CST6: variants seen among roughly 807,000 people sequenced by gnomAD.
CST6 encodes the protein cystatin-M.
In CST6, 8 loss-of-function variants were observed where a neutral mutation model predicts 10.7. The observed-to-expected ratio is 0.75, with a 90% confidence interval of 0.44 to 1.34. The LOEUF is 1.34. Ranked by LOEUF, CST6 falls within the 40% of genes most tolerant of loss-of-function variation. The pLI, the probability that CST6 is intolerant of heterozygous loss-of-function variation, is 0.01. For missense variants in CST6, 206 were observed against 205.1 expected (o/e 1.00, Z -0.03); for synonymous variants, 100 against 89.3 (o/e 1.12, Z -0.68).
chr11:66,012,874 G>A lies in CST6; in HGVS notation c.289G>A (p.Asp97Asn), dbSNP rs1856184659. Reference sequence around the variant, plus strand: ...CCTGACGATGGAGATGGGGAGCACAGACTGCCGCAAGACCAGGGTCACTGG... The same window carrying A: ...CCTGACGATGGAGATGGGGAGCACAAACTGCCGCAAGACCAGGGTCACTGG... ...YFLTMEMGST[D>N]CRKTRVTGDH... The change falls in exon 2 of 3, where the codon GAC becomes AAC. Residue 97 changes from aspartate to asparagine, a missense_variant. Physicochemically the swap from Asp to Asn is conservative, Grantham distance 23 (BLOSUM62 1). Transcript: ENST00000312134. The A allele has an allele frequency of 6.2e-7, 1 of 1,613,212 alleles. No individual in the cohort carries two copies. The highest frequency in any genetic ancestry group is 8.5e-7 in the Non-Finnish European group (1 of 1,179,478).
intron 1 of CST6, among the ~76,000 whole-genome samples, 165 bp from the exon 2 acceptor site, chr11:66,012,661 A>ACC (rs1856179702): frequency 2.4e-5 from 1 of 41,344 alleles, no homozygotes; most frequent in Non-Finnish European, 4.7e-5. Flanking sequence ...TCCCCACCAG[A>ACC]ACTCCCCCCC....
chr11:66,013,314 C>G lies in CST6; in HGVS notation c.367-3C>G. On this transcript the variant is annotated splice_region_variant and splice_polypyrimidine_tract_variant and intron_variant, in intron 2 of 2. Transcript: ENST00000312134. ...CTCCTTCTCCCCCATATTCCCTCCA[C>G]AGAAGCTGCGCTGTGACTTTGAGGT... is the stretch of plus-strand genomic sequence containing the variant. 1.2e-6 allele frequency: 2 copies of G among 1,613,854 alleles called. No homozygotes were observed. The highest frequency in any genetic ancestry group is 8.5e-7 in the Non-Finnish European group (1 of 1,179,728).
chr11:66,012,456 A>C (rs1471005614), intron 1 of CST6, among the ~76,000 whole-genome samples, 172 bp downstream of exon 1: 1 of 152,194 alleles, frequency 6.6e-6, no homozygotes. Context: ...TCTAAATTTC[A>C]AGGAAAGACA....
intron 1 of CST6, 152 bp from the exon 2 acceptor site, chr11:66,012,674 A>ACCCCCCCCCCCCC (rs1420287294): frequency 7.2e-5 from 3 of 41,442 alleles, no homozygotes; most frequent in Non-Finnish European, 1.1e-4. Context: ...TCCCCCCCCC[A>ACCCCCCCCCCCCC]CCCCCCCCCA....
In CST6 at chr11:66,013,204, G is replaced by A. The variant is rs367894852; in HGVS notation, c.367-113G>A. 70 of 1,073,056 alleles carry A rather than the reference G, an allele frequency of 6.5e-5. No homozygotes were observed. The East Asian group carries it at 9.7e-4, about 15-fold the overall frequency. 66.5% of individuals were successfully genotyped at this position (1,073,056 alleles called of 1,614,324 possible). On this transcript the variant is annotated intron_variant, in intron 2 of 2. Coordinates refer to ENST00000312134, the MANE Select transcript of CST6 (RefSeq NM_001323.4). The stretch of plus-strand genomic sequence containing the variant: ...ATGCGGCTTGACATCCGTTGGGTCA[G>A]TGATTGTCCCTCTCTTGGCCTGGAG...
rs1209276619 is a variant in CST6, at chr11:66,012,200, G to A, written c.156G>A (p.Ala52=). 6.3e-7 allele frequency: 1 copy of A among 1,585,752 alleles called. No individual in the cohort carries two copies. Among genetic ancestry groups the A allele is most frequent in the East Asian group, 2.3e-5 (1 of 43,732 alleles). The change falls in exon 1 of 3, where the codon GCG becomes GCA. Residue 52 remains alanine (A), a synonymous_variant. Transcript: ENST00000312134. ...ACGACCCGCAGGTGCAGAAGGCGGC[G>A]CAGGCGGCCGTGGCCAGCTACAACA... ...SPDDPQVQKA[A]QAAVASYNMG...
chr11:66,012,674 A>ACCCC (rs1420287294), intron 1 of CST6, 152 bp from the exon 2 acceptor site: 29 of 41,426 alleles, frequency 7.0e-4, no homozygotes, highest in Admixed American at 1.5e-3. Flanking sequence ...TCCCCCCCCC[A>ACCCC]CCCCCCCCCA....
chr11:66,013,238 C>G, intron 2 of CST6, 79 bp from the exon 3 acceptor site: 1 of 1,345,874 alleles, frequency 7.4e-7, no homozygotes, highest in Non-Finnish European at 1.1e-6. Context: ...AGCAGCCTGG[C>G]AGGCAGAGGG....
intron 1 of CST6, among the ~76,000 whole-genome samples, 166 bp from the exon 2 acceptor site, chr11:66,012,660 G>C (rs1856179646): frequency 1.8e-5 from 1 of 55,464 alleles, no homozygotes; most frequent in African/African-American, 6.8e-5. Context: ...ATCCCCACCA[G>C]AACTCCCCCC....
Position 66,013,443 on chromosome 11 carries a change from G to T in CST6, c.*43G>T. 6.6e-7 allele frequency: 1 copy of T among 1,512,452 alleles called. No individual in the cohort carries two copies. Among genetic ancestry groups the T allele is most frequent in the Non-Finnish European group, 9.2e-7 (1 of 1,087,272 alleles). 93.7% of individuals were successfully genotyped at this position (1,512,452 alleles called of 1,614,324 possible). A position where few individuals can be genotyped will look rare whatever the true frequency, so the allele number is the denominator to read the frequency against. On this transcript the variant is annotated 3_prime_UTR_variant, in exon 3 of 3. Transcript: ENST00000312134. The stretch of plus-strand genomic sequence containing the variant: ...AGGCCATTGGGTTTGGGGCCATGGT[G>T]GAGGGCACTTCAGGTCCGTGGGCCG...
chr11:66,013,142 G>A, intron 2 of CST6, 175 bp from the exon 3 acceptor site: 1 of 979,082 alleles, frequency 1.0e-6, no homozygotes, highest in African/African-American at 1.6e-5. Context: ...CGGGAATGGG[G>A]AAGTTGGCTA....
chr11:66,012,179 C>T lies in CST6; in HGVS notation c.135C>T (p.Asp45=). 1 of 1,572,704 alleles carries T rather than the reference C, an allele frequency of 6.4e-7. No homozygotes were observed. Among genetic ancestry groups the T allele is most frequent in the Non-Finnish European group, 8.6e-7 (1 of 1,161,372 alleles). The change falls in exon 1 of 3, where the codon GAC becomes GAT. Residue 45 remains aspartate (D), a synonymous_variant. Transcript: ENST00000312134. ...AACTCCGGGACCTGTCGCCCGACGACCCGCAGGTGCAGAAGGCGGCGCAGG... is the reference window on the plus strand; with the variant it reads ...AACTCCGGGACCTGTCGCCCGACGATCCGCAGGTGCAGAAGGCGGCGCAGG... ...VGELRDLSPD[D]PQVQKAAQAA... is the part of the protein sequence containing the mutation.
Position 66,012,867 on chromosome 11 carries a change from G to A in CST6, c.282G>A (p.Gly94=), listed in dbSNP as rs1856184636. The A allele has an allele frequency of 6.2e-7, 1 of 1,612,932 alleles. No individual in the cohort carries two copies. Among genetic ancestry groups the A allele is most frequent in the Non-Finnish European group, 8.5e-7 (1 of 1,179,314 alleles). Residue 94 remains glycine, a synonymous_variant, in exon 2 of 3, where the codon GGG becomes GGA. Transcript: ENST00000312134. ...AGTACTTCCTGACGATGGAGATGGG[G>A]AGCACAGACTGCCGCAAGACCAGGG... ...GIKYFLTMEM[G]STDCRKTRVT...
intron 1 of CST6, among the ~76,000 whole-genome samples, 156 bp from the exon 2 acceptor site, chr11:66,012,670 C>A (rs1856180424): frequency 7.4e-5 from 1 of 13,534 alleles, no homozygotes; most frequent in Non-Finnish European, 1.8e-4. Context: ...GAACTCCCCC[C>A]CCCACCCCCC....
chr11:66,012,715 C>T (rs1289159145), intron 1 of CST6, 111 bp from the exon 2 acceptor site: 1 of 520,572 alleles, frequency 1.9e-6, no homozygotes, highest in East Asian at 6.3e-5. Context: ...ATCATCCCCT[C>T]TCCCTCTCTC....
chr11:66,012,269 C>G lies in CST6; in HGVS notation c.225C>G (p.Ile75Met). ...SIYYFRDTHI[I>M]KAQSQLVAGI... The stretch of plus-strand genomic sequence containing the variant: ...ACTACTTCCGAGACACGCACATCAT[C>G]AAGGCGCAGAGCCAGGTGCGGCGGG... The change falls in exon 1 of 3, where the codon ATC (isoleucine) becomes ATG (methionine). Residue 75 changes from isoleucine (I) to methionine (M), a missense_variant. Coordinates refer to ENST00000312134, the MANE Select transcript of CST6 (RefSeq NM_001323.4). 15 of 1,603,226 alleles carry G rather than the reference C, an allele frequency of 9.4e-6. No individual in the cohort carries two copies. The South Asian group carries it at 1.6e-4, about 17-fold the overall frequency.
rs756254432 is a variant in CST6, at chr11:66,012,027, C to CCGA, written c.-15_-13dup. On this transcript the variant is annotated 5_prime_UTR_variant, in exon 1 of 3. Transcript: ENST00000312134. ...CTCGGCACTCACGGCTCTGAGGGCTCCGACGGCACTGACGGCCATGGCGCG... is the reference window on the plus strand; with the variant it reads ...CTCGGCACTCACGGCTCTGAGGGCTCCGACGACGGCACTGACGGCCATGGCGCG... 4 of 1,521,686 alleles carry CCGA rather than the reference C, an allele frequency of 2.6e-6. No individual in the cohort carries two copies. Among genetic ancestry groups the CCGA allele is most frequent in the Non-Finnish European group, 3.5e-6 (4 of 1,142,020 alleles). The allele number at this position is 1,521,686 out of a possible 1,614,324, so 94.3% of individuals were successfully genotyped here.
rs369839536 is a variant in CST6, at chr11:66,013,415, C to T, written c.*15C>T. ...TGCAGATGTGATAAGTCCCCGAGGG[C>T]GAAGGCCATTGGGTTTGGGGCCATG... On this transcript the variant is annotated 3_prime_UTR_variant, in exon 3 of 3. Transcript: ENST00000312134. 81 of 1,611,834 alleles carry T rather than the reference C, an allele frequency of 5.0e-5. No homozygotes were observed. The highest frequency in any genetic ancestry group is 4.8e-4 in the African/African-American group (36 of 75,004).
intron 1 of CST6, among the ~76,000 whole-genome samples, chr11:66,012,520 T>C (rs1250112079): frequency 6.6e-6 from 1 of 152,164 alleles, no homozygotes; most frequent in Admixed American, 6.5e-5. Context: ...GGTCCTAGTC[T>C]CTGCCCTGAT....
Sources: allele counts gnomAD v4.1 joint callset (sites outside exome capture counted in the v4.1 genomes callset), GRCh38; gene constraint gnomAD v4.1.1; transcripts MANE v1.5; gene names NCBI Gene and HGNC (gene_info 2026-07-23, HGNC 2026-07-21).